The following ARHGAP26 variants were observed in gnomAD, a reference collection of about 807,000 sequenced individuals.
The protein encoded by ARHGAP26 is Rho GTPase activating protein 26, also known as rho GTPase-activating protein 26.
A neutral mutation model predicts 104.8 loss-of-function variants in ARHGAP26; 38 were observed. The ratio of observed to expected loss-of-function variants is 0.36; its 90% confidence interval spans 0.28 to 0.48. The LOEUF (loss-of-function observed/expected upper bound fraction) is 0.48. ARHGAP26 is among the 20% of genes least tolerant of loss of function. ARHGAP26 has a pLI of 0.99. For synonymous variants in ARHGAP26, 341 were observed against 340.0 expected, an observed-to-expected ratio of 1.00 and a Z score of -0.03; for missense variants, 704 against 947.9, an observed-to-expected ratio of 0.74 and a Z score of 3.38.
intron 12 of ARHGAP26, among the ~76,000 whole-genome samples, chr5:143,014,988 T>G (rs1165063391): frequency 1.3e-5 from 2 of 152,222 alleles, no homozygotes; most frequent in Non-Finnish European, 2.9e-5. Context: ...AGTTGTTTTT[T>G]TGTGAAAGCC....
At chr5:143,157,577 T>C (rs61108358) in intron 20 of ARHGAP26, among the ~76,000 whole-genome samples, 127 of 152,334 alleles carry the variant, frequency 8.3e-4, no homozygotes, top group African/African-American at 2.8e-3. Context: ...TTGACCATAG[T>C]ACATGATTTC....
intron 1 of ARHGAP26, among the ~76,000 whole-genome samples, chr5:142,835,415 A>T (rs78165592): frequency 0.03 from 4,551 of 152,306 alleles, 92 homozygotes; most frequent in South Asian, 0.081. Context: ...TCTTTATCAA[A>T]GTGAAATAGT....
At position 143,014,121 on chromosome 5, in the gene ARHGAP26, G is replaced by A; in HGVS notation, c.1144+5G>A. On this transcript the variant is annotated splice_donor_5th_base_variant and intron_variant, in intron 12 of 22. Transcript: ENST00000645722. ...AAGACAGCCAGAGTGAAGGGAGTAA[G>A]TACGATGCTTGGGTAACCTTCTACA... is the stretch of plus-strand genomic sequence containing the variant. 1 of 1,614,180 alleles carries A rather than the reference G, an allele frequency of 6.2e-7. No homozygotes were observed. The highest frequency in any genetic ancestry group is 8.5e-7 in the Non-Finnish European group (1 of 1,179,988).
At chr5:142,804,379 A>G (rs746757696) in intron 1 of ARHGAP26, among the ~76,000 whole-genome samples, 1 of 152,240 alleles carries the variant, frequency 6.6e-6, no homozygotes, top group Non-Finnish European at 1.5e-5. Context: ...GCTTCTGGGA[A>G]GCTAGTTTTC....
chr5:142,794,470 C>T (rs2151928259), intron 1 of ARHGAP26, among the ~76,000 whole-genome samples: 1 of 152,262 alleles, frequency 6.6e-6, no homozygotes, highest in South Asian at 2.1e-4. Flanking sequence ...CCCTGCCTTC[C>T]AGATATAGCA....
chr5:143,080,921 G>A (rs532783668), intron 17 of ARHGAP26, among the ~76,000 whole-genome samples: 24 of 142,988 alleles, frequency 1.7e-4, no homozygotes, highest in Middle Eastern at 3.2e-3. Flanking sequence ...GGGTAGTAGT[G>A]GTGGAAATGC....
chr5:143,117,656 T>C (rs1458891639), intron 17 of ARHGAP26, among the ~76,000 whole-genome samples: 1 of 152,264 alleles, frequency 6.6e-6, no homozygotes, highest in South Asian at 2.1e-4. Context: ...TTATTTATAT[T>C]CAGAGTTGCT....
intron 11 of ARHGAP26, among the ~76,000 whole-genome samples, chr5:142,964,961 A>C (rs1029819008): frequency 7.2e-5 from 11 of 152,210 alleles, no homozygotes; most frequent in African/African-American, 2.4e-4. Flanking sequence ...GATACAAAGC[A>C]AAAGGGGCAG....
chr5:142,809,478 A>T (rs923170341), intron 1 of ARHGAP26, among the ~76,000 whole-genome samples: 7 of 152,122 alleles, frequency 4.6e-5, no homozygotes, highest in African/African-American at 1.7e-4. Context: ...GGGTGTCTGA[A>T]TATGTCCTGG....
chr5:142,984,734 C>G (rs953966669), intron 11 of ARHGAP26, among the ~76,000 whole-genome samples: 1 of 151,918 alleles, frequency 6.6e-6, no homozygotes, highest in Non-Finnish European at 1.5e-5. Flanking sequence ...CTGTTGTAGC[C>G]GTCATATTAC....
chr5:142,786,652 G>T (rs898770230), intron 1 of ARHGAP26, among the ~76,000 whole-genome samples: 7 of 133,922 alleles, frequency 5.2e-5, no homozygotes, highest in South Asian at 2.3e-4. Context: ...TGGAGTTCTA[G>T]AATTTTTTTT....
At chr5:142,920,088 G>A (rs1251214004) in intron 10 of ARHGAP26, among the ~76,000 whole-genome samples, 1 of 152,174 alleles carries the variant, frequency 6.6e-6, no homozygotes, top group Non-Finnish European at 1.5e-5. Flanking sequence ...ATAGCACCAA[G>A]CATTTGAAGG....
chr5:143,041,683 G>A, intron 13 of ARHGAP26, 133 bp from the exon 14 acceptor site: 2 of 659,712 alleles, frequency 3.0e-6, no homozygotes, highest in South Asian at 3.8e-5. Context: ...AGTGACAGGG[G>A]ACTTTAATTA....
chr5:142,878,173 T>G (rs1756398279), intron 3 of ARHGAP26, among the ~76,000 whole-genome samples: 1 of 152,192 alleles, frequency 6.6e-6, no homozygotes, highest in South Asian at 2.1e-4. Context: ...ATGCATGTGG[T>G]TTAGGAAAAA....
chr5:142,914,071 C>T (rs1163115403), intron 10 of ARHGAP26, among the ~76,000 whole-genome samples: 1 of 152,232 alleles, frequency 6.6e-6, no homozygotes, highest in Non-Finnish European at 1.5e-5. Flanking sequence ...CATTTAATCT[C>T]TTCCTTTTAT....
intron 11 of ARHGAP26, among the ~76,000 whole-genome samples, chr5:143,008,637 T>G (rs3776366): frequency 0.094 from 14,325 of 152,226 alleles, 1,267 homozygotes; most frequent in African/African-American, 0.23. Flanking sequence ...TGAACCTATT[T>G]CCCCAGCATC....
intron 1 of ARHGAP26, among the ~76,000 whole-genome samples, chr5:142,796,840 C>A (rs941765616): frequency 6.6e-6 from 1 of 152,348 alleles, no homozygotes; most frequent in Non-Finnish European, 1.5e-5. Context: ...CTGGTACCAT[C>A]CCTGTCCTCC....
chr5:143,111,546 C>T (rs1794771049), intron 17 of ARHGAP26, among the ~76,000 whole-genome samples: 1 of 152,184 alleles, frequency 6.6e-6, no homozygotes, highest in African/African-American at 2.4e-5. Context: ...ACAGTAAGTT[C>T]TCAGCTCATG....
Position 143,054,369 on chromosome 5 carries a change from C to T in ARHGAP26, c.1286-70C>T, listed in dbSNP as rs1009625665. ...CTCTAGTTACTAGCAAGATTGGATG[C>T]CTTTATGTGTGCTTATTTATTAGTT... is the stretch of plus-strand genomic sequence containing the variant. On this transcript the variant is annotated intron_variant, in intron 14 of 22. Coordinates refer to ENST00000645722, the MANE Select transcript of ARHGAP26 (RefSeq NM_001135608.3). 2.9e-6 allele frequency: 3 copies of T among 1,024,760 alleles called. No homozygotes were observed. In the East Asian group the frequency reaches 7.7e-5, roughly 26 times the overall value. 63.5% of individuals were successfully genotyped at this position (1,024,760 alleles called of 1,614,324 possible).
Sources: allele counts gnomAD v4.1 joint callset (sites outside exome capture counted in the v4.1 genomes callset), GRCh38; gene constraint gnomAD v4.1.1; transcripts MANE v1.5; gene names NCBI Gene and HGNC (gene_info 2026-07-23, HGNC 2026-07-21).